The following TNKS variants were observed in gnomAD, a reference collection of about 807,000 sequenced individuals.
TNKS encodes poly [ADP-ribose] polymerase tankyrase-1.
In TNKS, 72 loss-of-function variants were observed where a neutral mutation model predicts 135.8. The ratio of observed to expected loss-of-function variants is 0.53; its 90% CI spans 0.44 to 0.64. The LOEUF is 0.64. TNKS is among the 30% of genes least tolerant of loss of function. TNKS has a pLI of 0.00. For synonymous variants in TNKS, 849 were observed against 649.3 expected (o/e 1.31, Z -4.68); for missense variants, 1,769 against 1,674.0 (o/e 1.06, Z -0.99).
chr8:9,726,614 A>G (rs192613735), intron 12 of TNKS, 27 bp from the exon 13 acceptor site: 2 of 1,553,152 alleles, frequency 1.3e-6, no homozygotes, highest in East Asian at 2.3e-5. Context: ...GGATATATAT[A>G]TGAGTTCTTT....
intron 3 of TNKS, among the ~76,000 whole-genome samples, chr8:9,656,687 A>G (rs930457859): frequency 1.9e-4 from 28 of 148,448 alleles, no homozygotes; most frequent in African/African-American, 6.5e-4. Context: ...TGGCAGGGTC[A>G]TGGGACAATA....
At chr8:9,730,716 A>C (rs1805395259) in intron 13 of TNKS, among the ~76,000 whole-genome samples, 174 bp from the exon 14 acceptor site, 1 of 152,248 alleles carries the variant, frequency 6.6e-6, no homozygotes. Context: ...ATTTGTCGTC[A>C]CTGAAAGGCA....
intron 18 of TNKS, among the ~76,000 whole-genome samples, chr8:9,748,905 G>A (rs1486752243): frequency 6.6e-6 from 1 of 152,206 alleles, no homozygotes; most frequent in Non-Finnish European, 1.5e-5. Flanking sequence ...GAAACATAAA[G>A]ACGGCTTCAT....
chr8:9,773,482 A>C (rs1292943374), intron 26 of TNKS, among the ~76,000 whole-genome samples: 2 of 152,158 alleles, frequency 1.3e-5, no homozygotes, highest in African/African-American at 4.8e-5. Context: ...ATCACTGGGC[A>C]TTAATGAGTG....
At chr8:9,558,014 A>C (rs1293119535) in intron 1 of TNKS, 1 of 152,172 alleles carries the variant, frequency 6.6e-6, no homozygotes, top group Non-Finnish European at 1.5e-5. Flanking sequence ...TTTTGGGAGA[A>C]GTAGTAATGC....
intron 25 of TNKS, among the ~76,000 whole-genome samples, chr8:9,767,541 T>C (rs961030623): frequency 1.3e-5 from 2 of 152,218 alleles, no homozygotes; most frequent in African/African-American, 4.8e-5. Context: ...ATTGTGATTA[T>C]TGACCTTAAA....
At chr8:9,764,598 C>G in intron 22 of TNKS, 118 bp from the exon 23 acceptor site, 1 of 603,770 alleles carries the variant, frequency 1.7e-6, no homozygotes, top group Non-Finnish European at 2.7e-6. Context: ...ATCCACTAAA[C>G]TTGTTCATCA....
chr8:9,700,133 G>C (rs577185846), intron 5 of TNKS, among the ~76,000 whole-genome samples: 1 of 151,866 alleles, frequency 6.6e-6, no homozygotes, highest in Non-Finnish European at 1.5e-5. Flanking sequence ...CAGCCTTCCC[G>C]GGTGTCCTGA....
chr8:9,557,735 G>C (rs1001116753), intron 1 of TNKS: 6 of 151,932 alleles, frequency 3.9e-5, no homozygotes, highest in Non-Finnish European at 8.8e-5. Flanking sequence ...TCTTCAGTTT[G>C]TTCTGTTAAC....
chr8:9,682,494 A>C (rs1263090722), intron 5 of TNKS, among the ~76,000 whole-genome samples: 1 of 152,146 alleles, frequency 6.6e-6, no homozygotes. Context: ...AGGAGAATAT[A>C]CTTCCTTTAA....
intron 15 of TNKS, among the ~76,000 whole-genome samples, chr8:9,734,447 T>G (rs1249887635): frequency 7.0e-6 from 1 of 142,446 alleles, no homozygotes; most frequent in Non-Finnish European, 1.5e-5. Context: ...TAGAATTAAG[T>G]CCTTTTTTAC....
At chr8:9,603,559 A>G (rs1470571736) in intron 2 of TNKS, among the ~76,000 whole-genome samples, 1 of 152,086 alleles carries the variant, frequency 6.6e-6, no homozygotes, top group African/African-American at 2.4e-5. Context: ...TTCTCCTGAC[A>G]CCCAGTTCAG....
At chr8:9,633,723 A>G (rs570799488) in intron 3 of TNKS, among the ~76,000 whole-genome samples, 14 of 152,344 alleles carry the variant, frequency 9.2e-5, no homozygotes, top group Middle Eastern at 3.4e-3. Flanking sequence ...GCAAACTGCC[A>G]TATTGTAAAC....
At chr8:9,586,441 A>C (rs899496689) in intron 2 of TNKS, among the ~76,000 whole-genome samples, 2 of 152,024 alleles carry the variant, frequency 1.3e-5, no homozygotes, top group African/African-American at 4.8e-5. Context: ...CATTATTTAT[A>C]CTTCAGGGAC....
intron 5 of TNKS, among the ~76,000 whole-genome samples, chr8:9,699,916 C>G (rs542437890): frequency 6.6e-6 from 1 of 152,324 alleles, no homozygotes; most frequent in South Asian, 2.1e-4. Context: ...TACACTTAGC[C>G]ACTGAATTTT....
intron 2 of TNKS, among the ~76,000 whole-genome samples, chr8:9,593,607 G>T (rs955899827): frequency 6.6e-6 from 1 of 152,002 alleles, no homozygotes; most frequent in African/African-American, 2.4e-5. Flanking sequence ...TTTAAACCAA[G>T]TGTAACTTAC....
intron 23 of TNKS, 21 bp downstream of exon 23, chr8:9,764,811 G>C: frequency 6.4e-7 from 1 of 1,559,828 alleles, no homozygotes; most frequent in Non-Finnish European, 8.7e-7. Context: ...AAAGTTTCAT[G>C]GTGAAAACTG....
At chr8:9,624,976 A>G (rs919094620) in intron 3 of TNKS, among the ~76,000 whole-genome samples, 2 of 152,176 alleles carry the variant, frequency 1.3e-5, no homozygotes, top group African/African-American at 4.8e-5. Flanking sequence ...GCTTGAATCC[A>G]TAAATGCAGA....
intron 3 of TNKS, among the ~76,000 whole-genome samples, chr8:9,646,711 G>A (rs190372303): frequency 1.1e-3 from 160 of 152,216 alleles, no homozygotes; most frequent in African/African-American, 3.7e-3. Flanking sequence ...CCATTATCAA[G>A]TAATTCTCTC....
Sources: allele counts gnomAD v4.1 joint callset (sites outside exome capture counted in the v4.1 genomes callset), GRCh38; gene constraint gnomAD v4.1.1; transcripts MANE v1.5; gene names NCBI Gene and HGNC (gene_info 2026-07-23, HGNC 2026-07-21).